The following HSPA12A variants were observed in gnomAD, a reference collection of about 807,000 sequenced individuals.
HSPA12A encodes the protein heat shock protein family A (Hsp70) member 12A.
In HSPA12A, 28 loss-of-function variants were observed where a neutral mutation model predicts 69.2. The observed-to-expected ratio is 0.40, with a 90% CI of 0.30 to 0.55. HSPA12A has a LOEUF of 0.55. Among genes scored for constraint, HSPA12A ranks in the 20% least tolerant of loss-of-function variants. HSPA12A has a pLI of 0.38. For synonymous variants in HSPA12A, 345 were observed against 370.5 expected, an observed-to-expected ratio of 0.93 and a Z score of 0.79; for missense variants, 686 against 900.7, an observed-to-expected ratio of 0.76 and a Z score of 3.05.
chr10:116,817,520 T>TGTGG (rs1845328247), intron 2 of HSPA12A, among the ~76,000 whole-genome samples: 1 of 102,780 alleles, frequency 9.7e-6, no homozygotes, highest in Non-Finnish European at 1.9e-5. Flanking sequence ...AGTGTGTGTG[T>TGTGG]GTGGGTGGGG....
chr10:116,819,244 C>T (rs1014189815), intron 2 of HSPA12A, among the ~76,000 whole-genome samples: 2 of 152,162 alleles, frequency 1.3e-5, no homozygotes, highest in Non-Finnish European at 2.9e-5. Context: ...GCCCTTGTGC[C>T]CCTCTCATCT....
At chr10:116,761,477 G>A (rs1211342352) in intron 2 of HSPA12A, among the ~76,000 whole-genome samples, 3 of 146,194 alleles carry the variant, frequency 2.1e-5, no homozygotes, top group Non-Finnish European at 3.0e-5. Context: ...CAGAGCAAGA[G>A]ACTCCATCTC....
intron 1 of HSPA12A, among the ~76,000 whole-genome samples, chr10:116,729,286 C>T (rs1315911519): frequency 1.3e-5 from 2 of 152,094 alleles, no homozygotes; most frequent in East Asian, 1.9e-4. Context: ...ATCATTGGGT[C>T]GACCCTGAAA....
chr10:116,806,324 C>T (rs1392344930), intron 2 of HSPA12A, among the ~76,000 whole-genome samples: 1 of 152,196 alleles, frequency 6.6e-6, no homozygotes, highest in Non-Finnish European at 1.5e-5. Context: ...CCTCAGCCTC[C>T]TCCTCAGTGG....
At chr10:116,824,304 T>C (rs1589726974) in intron 2 of HSPA12A, among the ~76,000 whole-genome samples, 1 of 152,208 alleles carries the variant, frequency 6.6e-6, no homozygotes, top group South Asian at 2.1e-4. Flanking sequence ...ACACTGTTGG[T>C]AGGAATACAA....
intron 1 of HSPA12A, among the ~76,000 whole-genome samples, chr10:116,736,211 G>C (rs1242114271): frequency 6.6e-6 from 1 of 152,172 alleles, no homozygotes; most frequent in South Asian, 2.1e-4. Context: ...AGCCCTAAAA[G>C]TAACAATGTC....
chr10:116,756,566 G>A (rs180787572), intron 2 of HSPA12A, among the ~76,000 whole-genome samples: 116 of 152,346 alleles, frequency 7.6e-4, no homozygotes, highest in African/African-American at 2.7e-3. Context: ...GGCCCATGTG[G>A]GTGGGGCTCA....
intron 2 of HSPA12A, among the ~76,000 whole-genome samples, chr10:116,763,418 C>A (rs1212343076): frequency 6.6e-6 from 1 of 152,168 alleles, no homozygotes; most frequent in African/African-American, 2.4e-5. Context: ...TTGTGAAAAA[C>A]CCCTACCCCC....
intron 2 of HSPA12A, among the ~76,000 whole-genome samples, chr10:116,799,240 GT>G (rs1844903056): frequency 6.6e-6 from 1 of 152,192 alleles, no homozygotes. Flanking sequence ...GCTCTCAGCA[GT>G]TGACAGTTTC....
At chr10:116,690,743 A>G (rs1849711125) in intron 6 of HSPA12A, among the ~76,000 whole-genome samples, 1 of 151,292 alleles carries the variant, frequency 6.6e-6, no homozygotes, top group Admixed American at 6.6e-5. Context: ...CCCACCTCCT[A>G]GAAGAGCCAG....
At position 116,674,764 on chromosome 10, in the gene HSPA12A, G is replaced by C; in HGVS notation, c.*17C>G. 6.3e-7 allele frequency: 1 copy of C among 1,591,454 alleles called. No individual in the cohort carries two copies. The highest frequency in any genetic ancestry group is 8.6e-7 in the Non-Finnish European group (1 of 1,168,962). On this transcript the variant is annotated 3_prime_UTR_variant, in exon 12 of 12. Coordinates refer to ENST00000369209, the MANE Select transcript of HSPA12A (RefSeq NM_025015.3). ...AGATAAGTTGAGTCCAAGGGGACAG[G>C]CAGCGGGGCGGGAGGGTTAGTAATT...
intron 6 of HSPA12A, among the ~76,000 whole-genome samples, chr10:116,687,043 C>T (rs1441056103): frequency 6.6e-6 from 1 of 152,192 alleles, no homozygotes; most frequent in South Asian, 2.1e-4. Context: ...TTCTACAACT[C>T]GAGGGCATCC....
chr10:116,795,874 C>T (rs1384849886), intron 2 of HSPA12A, among the ~76,000 whole-genome samples: 2 of 149,272 alleles, frequency 1.3e-5, no homozygotes, highest in Non-Finnish European at 3.0e-5. Context: ...AGGCCGGGCG[C>T]GGTGGCTCAT....
chr10:116,736,582 G>A (rs555072171), intron 1 of HSPA12A, among the ~76,000 whole-genome samples: 3 of 152,292 alleles, frequency 2.0e-5, no homozygotes, highest in African/African-American at 7.2e-5. Context: ...AGTGTCCTTA[G>A]AAAGGGAATG....
At chr10:116,772,167 G>A (rs968372810) in intron 2 of HSPA12A, among the ~76,000 whole-genome samples, 2 of 152,156 alleles carry the variant, frequency 1.3e-5, no homozygotes, top group African/African-American at 4.8e-5. Context: ...TCTGGGACAT[G>A]CAAGTGGAGA....
intron 2 of HSPA12A, among the ~76,000 whole-genome samples, chr10:116,764,075 A>G (rs1564811701): frequency 6.6e-6 from 1 of 152,056 alleles, no homozygotes; most frequent in South Asian, 2.1e-4. Flanking sequence ...GCTGAGTCTC[A>G]TGGGACCTCC....
At chr10:116,814,410 T>G (rs181148317) in intron 2 of HSPA12A, among the ~76,000 whole-genome samples, 7 of 152,202 alleles carry the variant, frequency 4.6e-5, no homozygotes, top group African/African-American at 1.7e-4. Flanking sequence ...TTCCCTTATC[T>G]TTGCTCACCT....
At chr10:116,693,717 C>T (rs1849803760) in intron 5 of HSPA12A, among the ~76,000 whole-genome samples, 2 of 152,198 alleles carry the variant, frequency 1.3e-5, no homozygotes, top group African/African-American at 4.8e-5. Flanking sequence ...CACCCTCTCT[C>T]TCTCTGAACT....
At chr10:116,844,473 G>A (rs1359418535) in intron 1 of HSPA12A, among the ~76,000 whole-genome samples, 2 of 152,094 alleles carry the variant, frequency 1.3e-5, no homozygotes. Flanking sequence ...AATTAGCTTG[G>A]TAATCATATT....
Sources: gnomAD v4.1 joint callset for allele counts (sites outside exome capture counted in the v4.1 genomes callset) on GRCh38, gnomAD v4.1.1 for gene constraint, MANE v1.5 for transcripts, NCBI Gene and HGNC (gene_info 2026-07-23, HGNC 2026-07-21) for gene names.